Variants in GABRG3 observed in about 807,000 individuals in gnomAD.
GABRG3 encodes the protein gamma-aminobutyric acid type A receptor subunit gamma3, also known as gamma-aminobutyric acid receptor subunit gamma-3.
A neutral mutation model predicts 48.8 loss-of-function variants in GABRG3; 25 were observed. That is an observed-to-expected ratio of 0.51 (90% CI 0.37 to 0.72). The LOEUF is 0.72. GABRG3 is among the 30% of genes least tolerant of loss of function. The probability of loss-of-function intolerance (pLI) is 0.00; values close to 1 mark genes in which losing one functional copy is unlikely to be tolerated. For synonymous variants in GABRG3, 227 were observed against 217.6 expected, an observed-to-expected ratio of 1.04 and a Z score of -0.38; for missense variants, 394 against 577.9, an observed-to-expected ratio of 0.68 and a Z score of 3.26.
At position 27,475,296 on chromosome 15, in the gene GABRG3, C is replaced by CCTCA. The variant is rs200205861; in HGVS notation, c.575-5353_575-5350dup. 4.3e-3 allele frequency among the ~76,000 whole-genome samples: 657 copies of CCTCA among 152,232 alleles called. 4 individuals carry two copies. The highest frequency in any genetic ancestry group is 0.015 in the African/African-American group (605 of 41,530). On this transcript the variant is annotated intron_variant, in intron 5 of 9. Coordinates refer to ENST00000615808, the MANE Select transcript of GABRG3 (RefSeq NM_033223.5). Reference sequence around the variant, plus strand: ...ATGTACATTACTTAGTGTCTCAGTGCCTCAGCTTTCTTATCTGTAAAATGG... The same window carrying CCTCA: ...ATGTACATTACTTAGTGTCTCAGTGCCTCACTCAGCTTTCTTATCTGTAAAATGG...
chr15:27,314,798 G>C (rs1893155477), intron 3 of GABRG3, among the ~76,000 whole-genome samples: 1 of 152,136 alleles, frequency 6.6e-6, no homozygotes, highest in Admixed American at 6.5e-5. Flanking sequence ...AAATAACACA[G>C]TCACAGAAAA....
chr15:27,237,334 C>G (rs545481137), intron 3 of GABRG3, among the ~76,000 whole-genome samples: 2 of 152,274 alleles, frequency 1.3e-5, no homozygotes, highest in East Asian at 3.9e-4. Flanking sequence ...AAACATGACC[C>G]AATTGTTCTG....
intron 3 of GABRG3, among the ~76,000 whole-genome samples, chr15:27,110,822 A>G (rs1286952198): frequency 6.6e-6 from 1 of 151,736 alleles, no homozygotes; most frequent in African/African-American, 2.4e-5. Flanking sequence ...AGGATATTCC[A>G]TTTGCCTTTG....
chr15:27,077,238 G>A (rs188834687), intron 3 of GABRG3, among the ~76,000 whole-genome samples: 1 of 152,282 alleles, frequency 6.6e-6, no homozygotes, highest in Admixed American at 6.5e-5. Context: ...TCACTGTGTT[G>A]CAGCGCGTTT....
intron 2 of GABRG3, among the ~76,000 whole-genome samples, chr15:27,014,647 A>G (rs893710696): frequency 1.3e-5 from 2 of 152,070 alleles, no homozygotes; most frequent in African/African-American, 4.8e-5. Flanking sequence ...ACTTTGAGTG[A>G]TTTAAATCTT....
intron 5 of GABRG3, among the ~76,000 whole-genome samples, chr15:27,478,313 TA>T (rs1414134571): frequency 1.3e-5 from 2 of 151,916 alleles, no homozygotes; most frequent in Non-Finnish European, 2.9e-5. Context: ...CTCAACAATA[TA>T]AAAACAACCC....
chr15:27,496,167 C>T (rs937965310), intron 6 of GABRG3, among the ~76,000 whole-genome samples: 5 of 152,194 alleles, frequency 3.3e-5, no homozygotes, highest in African/African-American at 1.2e-4. Context: ...CAGGAGCGCT[C>T]ATGGCCATCT....
At chr15:27,122,628 T>C (rs950442264) in intron 3 of GABRG3, among the ~76,000 whole-genome samples, 1 of 152,200 alleles carries the variant, frequency 6.6e-6, no homozygotes, top group African/African-American at 2.4e-5. Context: ...TCCTACAGAA[T>C]GGAGGTGCAG....
At chr15:27,308,541 T>TATAATGTAAACATACATGTTTATATAAAC (rs1566774514) in intron 3 of GABRG3, among the ~76,000 whole-genome samples, 1 of 148,304 alleles carries the variant, frequency 6.7e-6, no homozygotes, top group Non-Finnish European at 1.5e-5. Flanking sequence ...TATAAACATA[T>TATAATGTAAACATACATGTTTATATAAAC]ATAATGTAAA....
chr15:27,000,592 G>A (rs1050422970), intron 2 of GABRG3, among the ~76,000 whole-genome samples: 4 of 152,160 alleles, frequency 2.6e-5, no homozygotes, highest in South Asian at 2.1e-4. Context: ...GATAGTGAGT[G>A]TGTTCTCATG....
chr15:27,406,670 A>G (rs1295602167), intron 5 of GABRG3, among the ~76,000 whole-genome samples: 2 of 152,184 alleles, frequency 1.3e-5, no homozygotes, highest in Non-Finnish European at 2.9e-5. Context: ...GAGGAAACTA[A>G]GGAGAGAACA....
intron 3 of GABRG3, among the ~76,000 whole-genome samples, chr15:27,043,463 G>A (rs148103259): frequency 8.7e-4 from 133 of 152,260 alleles, no homozygotes; most frequent in African/African-American, 2.9e-3. Context: ...ACAGCAGCCC[G>A]TCAGAAGGGG....
At chr15:27,043,068 C>G (rs1043634523) in intron 3 of GABRG3, among the ~76,000 whole-genome samples, 1 of 152,166 alleles carries the variant, frequency 6.6e-6, no homozygotes, top group Non-Finnish European at 1.5e-5. Context: ...CTAACTTGCT[C>G]GTGCTCCTTC....
rs1368148832 is a variant in GABRG3 at position 27,539,039 on chromosome 15, T to C, written c.*6158T>C. ...AAATTCCCATTTTTTGTTAAACGTT[T>C]TTCCAATACATAGCAATGTGTAAAA... On this transcript the variant is annotated 3_prime_UTR_variant, in exon 10 of 10. Transcript: ENST00000615808. 1 of 152,210 alleles carries C rather than the reference T, an allele frequency of 6.6e-6. No individual in the cohort carries two copies. The highest frequency in any genetic ancestry group is 1.5e-5 in the Non-Finnish European group (1 of 68,046). 9.4% of individuals were successfully genotyped at this position (152,210 alleles called of 1,614,324 possible).
In GABRG3 at chr15:27,502,541, A is replaced by G. The variant is rs1890666387; in HGVS notation, c.713-17431A>G. Among the ~76,000 whole-genome samples the G allele has an allele frequency of 3.3e-5, 5 of 152,252 alleles. No individual in the cohort carries two copies. The South Asian group carries it at 1.0e-3, about 32-fold the overall frequency. On this transcript the variant is annotated intron_variant, in intron 6 of 9. Coordinates refer to ENST00000615808, the MANE Select transcript of GABRG3 (RefSeq NM_033223.5). ...GGGGACACCAGCTGGGTGTCCACCT[A>G]TTCAATTCTAACACTCTCCACCTGG...
chr15:27,113,701 T>C lies in GABRG3; in HGVS notation c.270+86880T>C, dbSNP rs141828985. Among the ~76,000 whole-genome samples the C allele has an allele frequency of 1.7e-3, 262 of 152,288 alleles. 4 individuals carry two copies. Among genetic ancestry groups the C allele is most frequent in the African/African-American group, 6.1e-3 (253 of 41,532 alleles). ...GTGGGCCTCTTCAGGTATTCACTTT[T>C]AAGTGAAATAAGTTTTACCAAAAAT... On this transcript the variant is annotated intron_variant, in intron 3 of 9. Coordinates refer to ENST00000615808, the MANE Select transcript of GABRG3 (RefSeq NM_033223.5).
intron 3 of GABRG3, among the ~76,000 whole-genome samples, chr15:27,262,825 T>G (rs1210942947): frequency 6.6e-6 from 1 of 152,250 alleles, no homozygotes; most frequent in African/African-American, 2.4e-5. Flanking sequence ...ATACATTTTT[T>G]TAAATCAGCA....
At chr15:27,221,451 A>G (rs1200802018) in intron 3 of GABRG3, among the ~76,000 whole-genome samples, 1 of 152,176 alleles carries the variant, frequency 6.6e-6, no homozygotes, top group African/African-American at 2.4e-5. Context: ...ACAATCAACA[A>G]CCACAAACTA....
At chr15:27,434,496 TA>T (rs1331327539) in intron 5 of GABRG3, among the ~76,000 whole-genome samples, 1 of 152,060 alleles carries the variant, frequency 6.6e-6, no homozygotes, top group Non-Finnish European at 1.5e-5. Flanking sequence ...ATATTTTACA[TA>T]AAATAATTCA....
Sources: gnomAD v4.1 joint callset for allele counts (sites outside exome capture counted in the v4.1 genomes callset) on GRCh38, gnomAD v4.1.1 for gene constraint, MANE v1.5 for transcripts, NCBI Gene and HGNC (gene_info 2026-07-23, HGNC 2026-07-21) for gene names.